Variants in TXNDC16 observed in about 807,000 individuals in gnomAD.
The protein encoded by TXNDC16 is thioredoxin domain-containing protein 16.
A neutral mutation model predicts 85.6 loss-of-function variants in TXNDC16; 74 were observed. That is an observed-to-expected ratio of 0.86 (90% CI 0.72 to 1.05). TXNDC16 has a LOEUF of 1.05. TXNDC16 is among the 50% of genes least tolerant of loss of function. TXNDC16 has a pLI of 0.00. For synonymous variants in TXNDC16, 335 were observed against 326.5 expected (o/e 1.03, Z -0.28); for missense variants, 959 against 947.0 (o/e 1.01, Z -0.17).
chr14:52,460,550 G>A (rs1594696436), intron 16 of TXNDC16, among the ~76,000 whole-genome samples: 1 of 152,140 alleles, frequency 6.6e-6, no homozygotes, highest in East Asian at 1.9e-4. Context: ...GGGGCCCTCT[G>A]TAACATTTGA....
At chr14:52,536,605 G>T in intron 6 of TXNDC16, 114 bp downstream of exon 6, 1 of 976,630 alleles carries the variant, frequency 1.0e-6, no homozygotes, top group Non-Finnish European at 1.5e-6. Context: ...TTAAATTGTT[G>T]CCTACAAATA....
intron 5 of TXNDC16, 112 bp downstream of exon 5, chr14:52,537,487 A>G: frequency 2.6e-6 from 2 of 775,036 alleles, no homozygotes; most frequent in Non-Finnish European, 2.1e-6. Flanking sequence ...GTTAAGCTTT[A>G]CATGATCCCC....
chr14:52,455,628 C>T lies in TXNDC16; in HGVS notation c.1704-166G>A, dbSNP rs2296719. ...CAAACTTATCTTCTATGACAACCTA[C>T]ATTAAAAGAAAGAAACAGGTAATGA... On this transcript the variant is annotated intron_variant, in intron 17 of 20. Transcript: ENST00000281741. Among the ~76,000 whole-genome samples the T allele has an allele frequency of 0.1, 15,940 of 152,088 alleles. 1,005 individuals are homozygous for T. Among genetic ancestry groups the T allele is most frequent in the East Asian group, 0.18 (956 of 5,172 alleles).
intron 9 of TXNDC16, among the ~76,000 whole-genome samples, chr14:52,499,439 C>A (rs1467915788): frequency 6.6e-6 from 1 of 151,836 alleles, no homozygotes; most frequent in African/African-American, 2.4e-5. Flanking sequence ...AATAACAAAA[C>A]AAATAACTCA....
intron 18 of TXNDC16, among the ~76,000 whole-genome samples, chr14:52,449,227 C>G (rs1433462715): frequency 6.6e-6 from 1 of 151,566 alleles, no homozygotes; most frequent in Admixed American, 6.6e-5. Flanking sequence ...TAATGATATA[C>G]AAAGACTGAA....
At chr14:52,477,910 T>C (rs1400029244) in intron 14 of TXNDC16, among the ~76,000 whole-genome samples, 5 of 152,110 alleles carry the variant, frequency 3.3e-5, no homozygotes, top group African/African-American at 4.8e-5. Flanking sequence ...TTCTCCAAGA[T>C]AGACCATATG....
At chr14:52,482,401 A>G in intron 13 of TXNDC16, 112 bp from the exon 14 acceptor site, 3 of 881,486 alleles carry the variant, frequency 3.4e-6, no homozygotes, top group Non-Finnish European at 5.2e-6. Flanking sequence ...ATTGTTAATC[A>G]GAAATATTCT....
chr14:52,443,620 G>C (rs2035213514), intron 18 of TXNDC16, among the ~76,000 whole-genome samples: 1 of 152,196 alleles, frequency 6.6e-6, no homozygotes, highest in Admixed American at 6.6e-5. Flanking sequence ...TTTTGGAATA[G>C]TGATAATGAA....
At chr14:52,472,660 A>T (rs192272748) in intron 14 of TXNDC16, among the ~76,000 whole-genome samples, 1 of 152,322 alleles carries the variant, frequency 6.6e-6, no homozygotes, top group East Asian at 1.9e-4. Context: ...GCATATAAAC[A>T]AATATAAACC....
chr14:52,552,212 T>C (rs943021279), intron 1 of TXNDC16, 104 bp downstream of exon 1: 1 of 152,308 alleles, frequency 6.6e-6, no homozygotes, highest in African/African-American at 2.4e-5. Context: ...TAAGTCAGAC[T>C]CCGGAGCTGT....
rs186567419 is a variant in TXNDC16 at position 52,506,300 on chromosome 14, A to G, written c.756+4940T>C. On this transcript the variant is annotated intron_variant, in intron 9 of 20. Transcript: ENST00000281741. ...AGAGAATTTTAGACCAGTATCCCTG[A>G]TGAACATTGATGCAAAAATCCTCAA... 3.3e-3 allele frequency among the ~76,000 whole-genome samples: 504 copies of G among 152,328 alleles called. 2 individuals carry two copies. Among genetic ancestry groups the G allele is most frequent in the African/African-American group, 0.011 (475 of 41,556 alleles).
chr14:52,509,638 A>G (rs961811085), intron 9 of TXNDC16, among the ~76,000 whole-genome samples: 6 of 151,778 alleles, frequency 4.0e-5, no homozygotes, highest in Non-Finnish European at 8.8e-5. Context: ...AACTTAAAGT[A>G]TAATAATAAT....
chr14:52,550,815 A>G (rs899391697), intron 1 of TXNDC16, among the ~76,000 whole-genome samples: 1 of 152,214 alleles, frequency 6.6e-6, no homozygotes, highest in African/African-American at 2.4e-5. Flanking sequence ...TTTATGCTCA[A>G]TTTAAATACT....
At chr14:52,477,147 G>C (rs2036036338) in intron 14 of TXNDC16, among the ~76,000 whole-genome samples, 2 of 152,110 alleles carry the variant, frequency 1.3e-5, no homozygotes, top group African/African-American at 4.8e-5. Flanking sequence ...CCACTACCAA[G>C]CCAGCGCTAC....
At chr14:52,504,292 A>C (rs1211983160) in intron 9 of TXNDC16, among the ~76,000 whole-genome samples, 1 of 152,244 alleles carries the variant, frequency 6.6e-6, no homozygotes, top group East Asian at 1.9e-4. Flanking sequence ...GTTGAAATGA[A>C]GGAAAAAATG....
intron 16 of TXNDC16, 132 bp downstream of exon 16, chr14:52,469,898 AGCTTACG>A: frequency 1.3e-6 from 1 of 788,236 alleles, no homozygotes; most frequent in Non-Finnish European, 1.8e-6. Flanking sequence ...CTGAATAATT[AGCTTACG>A]ATATTTTATT....
intron 1 of TXNDC16, among the ~76,000 whole-genome samples, chr14:52,545,362 G>C (rs1364032047): frequency 6.6e-6 from 1 of 152,144 alleles, no homozygotes; most frequent in Non-Finnish European, 1.5e-5. Context: ...ATCGGTTAGA[G>C]ACATTGGTGA....
At position 52,509,522 on chromosome 14, in the gene TXNDC16, T is replaced by C. The variant is rs924193727; in HGVS notation, c.756+1718A>G. On this transcript the variant is annotated intron_variant, in intron 9 of 20. Transcript: ENST00000281741. Reference sequence around the variant, plus strand: ...AAAAAAAAATTACTTGTAGTCAAAATGCAACCACAGAAAAAAGTTACTTAA... The same window carrying C: ...AAAAAAAAATTACTTGTAGTCAAAACGCAACCACAGAAAAAAGTTACTTAA... Among the ~76,000 whole-genome samples, 5 of 151,618 alleles carry C rather than the reference T, an allele frequency of 3.3e-5. 1 individual carries two copies. Among genetic ancestry groups the C allele is most frequent in the African/African-American group, 1.2e-4 (5 of 41,130 alleles).
chr14:52,506,845 C>T (rs2036820891), intron 9 of TXNDC16, among the ~76,000 whole-genome samples: 1 of 148,466 alleles, frequency 6.7e-6, no homozygotes, highest in African/African-American at 2.5e-5. Flanking sequence ...CGTGAGCCAC[C>T]GCACCCGGCC....
Sources: gnomAD v4.1 joint callset for allele counts (sites outside exome capture counted in the v4.1 genomes callset) on GRCh38, gnomAD v4.1.1 for gene constraint, MANE v1.5 for transcripts, NCBI Gene and HGNC (gene_info 2026-07-23, HGNC 2026-07-21) for gene names.